IFFO2: variants seen among roughly 807,000 people sequenced by gnomAD.
The protein encoded by IFFO2 is intermediate filament family orphan 2.
A neutral mutation model predicts 53.5 loss-of-function variants in IFFO2; 19 were observed. That is an observed-to-expected ratio of 0.36 (90% CI 0.25 to 0.52). IFFO2 has a LOEUF of 0.52. Ranked by LOEUF, IFFO2 falls within the 20% of genes least tolerant of loss-of-function variation. The pLI, the probability that IFFO2 is intolerant of heterozygous loss-of-function variation, is 0.94. For synonymous variants in IFFO2, 303 were observed against 313.6 expected (o/e 0.97, Z 0.36); for missense variants, 570 against 727.4 (o/e 0.78, Z 2.49).
chr1:18,956,266 C>T lies in IFFO2; in HGVS notation c.67G>A (p.Gly23Arg), dbSNP rs1003323059. ...AFGCPPGGGGGGCPGGGGGGG... is the reference protein window; with the variant it reads ...AFGCPPGGGGRGCPGGGGGGG... Reference sequence around the variant, plus strand: ...CCGCCGCCCCCGCCAGGGCAGCCCCCGCCGCCGCCGCCCGGCGGGCAGCCG... The same window carrying T: ...CCGCCGCCCCCGCCAGGGCAGCCCCTGCCGCCGCCGCCCGGCGGGCAGCCG... The change falls in exon 1 of 9, where the codon GGG (glycine) becomes AGG (arginine). Residue 23 changes from glycine (G) to arginine (R), a missense_variant. Coordinates refer to ENST00000455833, the MANE Select transcript of IFFO2 (RefSeq NM_001136265.2). The surrounding 1 kb of genome is among the most constrained non-coding windows in gnomAD (Gnocchi z 6.4). The T allele has an allele frequency of 1.3e-4, 106 of 847,360 alleles. No individual in the cohort carries two copies. The highest frequency in any genetic ancestry group is 1.4e-4 in the Non-Finnish European group (97 of 681,812). 52.5% of individuals were successfully genotyped at this position (847,360 alleles called of 1,614,324 possible). A position where few individuals can be genotyped will look rare whatever the true frequency, so the allele number is the denominator to read the frequency against.
chr1:18,938,816 A>C (rs552506957), intron 1 of IFFO2, among the ~76,000 whole-genome samples: 2 of 151,996 alleles, frequency 1.3e-5, no homozygotes, highest in Non-Finnish European at 2.9e-5. Context: ...GGCCACGCCC[A>C]CCCCTGCAGG....
At chr1:18,925,507 G>A (rs942773443) in intron 1 of IFFO2, among the ~76,000 whole-genome samples, 105 of 152,214 alleles carry the variant, frequency 6.9e-4, no homozygotes, top group African/African-American at 2.5e-3. Context: ...CTTCCCCACC[G>A]CCACCGGGGG....
rs1201835424 is a variant in IFFO2, at chr1:18,947,153, A to C, written c.665+8515T>G. Among the ~76,000 whole-genome samples, 2 of 152,244 alleles carry C rather than the reference A, an allele frequency of 1.3e-5. No individual in the cohort carries two copies. Among genetic ancestry groups the C allele is most frequent in the East Asian group, 3.8e-4 (2 of 5,196 alleles). On this transcript the variant is annotated intron_variant, in intron 1 of 8. Coordinates refer to ENST00000455833, the MANE Select transcript of IFFO2 (RefSeq NM_001136265.2). This position sits in a 1 kb window ranked among gnomAD's most constrained non-coding sequence, Gnocchi z 5.0. ...ACCCAGCAGTCTCATCTTCCCCAAC[A>C]AGAGGCACCAAACGATTGTAACAAC... is the stretch of plus-strand genomic sequence containing the variant.
chr1:18,910,257 A>C (rs1295926271), intron 8 of IFFO2, 85 bp downstream of exon 8: 7 of 1,460,306 alleles, frequency 4.8e-6, no homozygotes, highest in African/African-American at 1.4e-5. Context: ...ACAGGTTGGG[A>C]GCATGACACA....
intron 7 of IFFO2, 63 bp downstream of exon 7, chr1:18,911,321 G>A (rs1015977952): frequency 7.2e-6 from 6 of 830,590 alleles, no homozygotes; most frequent in Non-Finnish European, 1.0e-5. Flanking sequence ...TTGATCGCCA[G>A]GATCTCAACC....
intron 1 of IFFO2, among the ~76,000 whole-genome samples, chr1:18,923,328 T>C (rs1259897093): frequency 2.0e-5 from 3 of 152,110 alleles, no homozygotes; most frequent in African/African-American, 7.2e-5. Flanking sequence ...AACCATCTCA[T>C]GAGGAAGGCG....
chr1:18,934,776 C>G (rs556105321), intron 1 of IFFO2, among the ~76,000 whole-genome samples: 47 of 152,162 alleles, frequency 3.1e-4, no homozygotes, highest in Non-Finnish European at 6.5e-4. Context: ...TTTTCAAATG[C>G]ATTTTTTCCA....
intron 1 of IFFO2, among the ~76,000 whole-genome samples, chr1:18,944,245 A>G (rs568959811): frequency 1.3e-4 from 20 of 152,306 alleles, no homozygotes; most frequent in African/African-American, 4.3e-4. Context: ...CTTGGTTGGG[A>G]TGTCAGGGAA....
At chr1:18,955,308 C>G (rs1936709327) in intron 1 of IFFO2, among the ~76,000 whole-genome samples, 1 of 152,202 alleles carries the variant, frequency 6.6e-6, no homozygotes, top group South Asian at 2.1e-4. Flanking sequence ...CTTAGCATTT[C>G]TGCACCTCGG....
At chr1:18,945,051 T>C (rs1936568268) in intron 1 of IFFO2, among the ~76,000 whole-genome samples, 1 of 152,172 alleles carries the variant, frequency 6.6e-6, no homozygotes, top group African/African-American at 2.4e-5. Context: ...GCAGCTCAAC[T>C]CCAGGCCCTT....
intron 1 of IFFO2, among the ~76,000 whole-genome samples, chr1:18,930,502 C>T (rs758409423): frequency 1.3e-4 from 20 of 152,228 alleles, no homozygotes; most frequent in Non-Finnish European, 2.5e-4. Flanking sequence ...TGCCACAGAA[C>T]CCCCGTCAGC....
At chr1:18,940,610 C>G (rs999271147) in intron 1 of IFFO2, among the ~76,000 whole-genome samples, 1 of 138,056 alleles carries the variant, frequency 7.2e-6, no homozygotes, top group African/African-American at 2.6e-5. Context: ...GATGGATGGA[C>G]AGACGGACGG....
intron 6 of IFFO2, 30 bp downstream of exon 6, chr1:18,911,933 G>A: frequency 6.4e-7 from 1 of 1,550,966 alleles, no homozygotes; most frequent in Non-Finnish European, 8.7e-7. Flanking sequence ...CCCTAGTCCT[G>A]GCCTTTGGGA....
chr1:18,955,274 C>T (rs191967982), intron 1 of IFFO2, among the ~76,000 whole-genome samples: 2 of 152,292 alleles, frequency 1.3e-5, no homozygotes, highest in East Asian at 1.9e-4. Context: ...ACCACTTACT[C>T]GCCAAGCCAC....
intron 1 of IFFO2, among the ~76,000 whole-genome samples, chr1:18,949,740 A>T (rs1936634778): frequency 6.6e-6 from 1 of 152,218 alleles, no homozygotes. Context: ...CACAGGACTG[A>T]ACGGAGAGTC....
At chr1:18,954,102 C>T (rs1030731320) in intron 1 of IFFO2, among the ~76,000 whole-genome samples, 2 of 152,194 alleles carry the variant, frequency 1.3e-5, no homozygotes, top group Non-Finnish European at 2.9e-5. Context: ...CTCAAGTCCT[C>T]CAGAGAAACA....
rs959315915 is a variant in IFFO2, at chr1:18,956,097, C to T, written c.236G>A (p.Arg79Gln). 57 of 1,504,148 alleles carry T rather than the reference C, an allele frequency of 3.8e-5. No homozygotes were observed. Among genetic ancestry groups the T allele is most frequent in the Non-Finnish European group, 4.9e-5 (55 of 1,118,912 alleles). The allele number at this position is 1,504,148 out of a possible 1,614,324, so 93.2% of individuals were successfully genotyped here. A position where few individuals can be genotyped will look rare whatever the true frequency, so the allele number is the denominator to read the frequency against. ...CTGCTCCAGCTGCTTCTCCAGCAGC[C>T]GGTTGCGCCGCTCCAGCTCGTGCAC... ...AKVHELERRN[R>Q]LLEKQLEQQQ... is the part of the protein sequence containing the mutation. Residue 79 changes from arginine to glutamine, a missense_variant, in exon 1 of 9, where the codon CGG becomes CAG. Arg to Gln is a conservative substitution (Grantham distance 43, BLOSUM62 1). Transcript: ENST00000455833. The surrounding 1 kb of genome is among the most constrained non-coding windows in gnomAD (Gnocchi z 6.4).
Position 18,908,584 on chromosome 1 carries a change from CCGCCTCG to C in IFFO2, c.1524_1530del (p.Glu509MetfsTer10). The stretch of plus-strand genomic sequence containing the variant: ...CATCAGCTGACCATGGGCTCCACAT[CCGCCTCG>C]CGCTCGAACTCATCCTGGATCTCAT... On this transcript the variant is annotated frameshift_variant, in exon 9 of 9. Coordinates refer to ENST00000455833, the MANE Select transcript of IFFO2 (RefSeq NM_001136265.2). LOFTEE classifies it high-confidence loss of function. 6.4e-7 allele frequency: 1 copy of C among 1,551,700 alleles called. No individual in the cohort carries two copies. Among genetic ancestry groups the C allele is most frequent in the Non-Finnish European group, 8.7e-7 (1 of 1,146,908 alleles).
chr1:18,911,528 TTTA>T (rs1936039008), intron 6 of IFFO2, 52 bp from the exon 7 acceptor site: 2 of 703,898 alleles, frequency 2.8e-6, no homozygotes, highest in South Asian at 7.6e-5. Flanking sequence ...TATTTATTTA[TTTA>T]TTTATTTATT....
Sources: allele counts gnomAD v4.1 joint callset (sites outside exome capture counted in the v4.1 genomes callset), GRCh38; gene constraint gnomAD v4.1.1; non-coding constraint Gnocchi (gnomAD v3.1); transcripts MANE v1.5; gene names NCBI Gene and HGNC (gene_info 2026-07-23, HGNC 2026-07-21).